The following PARD3B variants were observed in gnomAD, a reference collection of about 807,000 sequenced individuals.
The protein encoded by PARD3B is par-3 family cell polarity regulator beta, also known as partitioning defective 3 homolog B.
A neutral mutation model predicts 130.2 loss-of-function variants in PARD3B; 103 were observed. The ratio of observed to expected loss-of-function variants is 0.79; its 90% CI spans 0.67 to 0.93. PARD3B has a LOEUF of 0.93. Ranked by LOEUF, PARD3B falls within the 40% of genes least tolerant of loss-of-function variation. PARD3B has a pLI of 0.00. For missense variants in PARD3B, 1,609 were observed against 1,499.2 expected, an observed-to-expected ratio of 1.07 and a Z score of -1.21; for synonymous variants, 583 against 553.2, an observed-to-expected ratio of 1.05 and a Z score of -0.76.
At chr2:204,910,803 G>C (rs1022923315) in intron 2 of PARD3B, among the ~76,000 whole-genome samples, 2 of 152,086 alleles carry the variant, frequency 1.3e-5, no homozygotes, top group South Asian at 2.1e-4. Flanking sequence ...CACTACGCCT[G>C]GCTAATTTTT....
chr2:204,921,458 T>C (rs760097902), intron 2 of PARD3B, among the ~76,000 whole-genome samples: 1 of 152,026 alleles, frequency 6.6e-6, no homozygotes, highest in African/African-American at 2.4e-5. Flanking sequence ...AGGATTTGGA[T>C]TGATTTGGAA....
intron 2 of PARD3B, among the ~76,000 whole-genome samples, chr2:204,896,042 T>A (rs1462542975): frequency 1.3e-5 from 2 of 152,198 alleles, no homozygotes; most frequent in Non-Finnish European, 2.9e-5. Context: ...GTAAGCACTT[T>A]GGTTTTGGAA....
chr2:204,879,904 C>G (rs541729700), intron 2 of PARD3B, among the ~76,000 whole-genome samples: 1 of 152,304 alleles, frequency 6.6e-6, no homozygotes, highest in African/African-American at 2.4e-5. Flanking sequence ...CAACAGAAGT[C>G]AAGTGCCAGA....
intron 1 of PARD3B, among the ~76,000 whole-genome samples, chr2:204,630,882 A>G (rs1271825762): frequency 6.6e-6 from 1 of 151,792 alleles, no homozygotes; most frequent in African/African-American, 2.4e-5. Flanking sequence ...ATAGTGGTCT[A>G]TTTTATTAAT....
intron 18 of PARD3B, among the ~76,000 whole-genome samples, chr2:205,311,862 TG>T (rs1240377826): frequency 1.3e-5 from 2 of 152,340 alleles, no homozygotes; most frequent in African/African-American, 4.8e-5. Flanking sequence ...TTTTTTGTTT[TG>T]TTTTGCTTTT....
intron 20 of PARD3B, among the ~76,000 whole-genome samples, chr2:205,479,059 C>G (rs751413581): frequency 2.0e-5 from 3 of 152,176 alleles, no homozygotes; most frequent in African/African-American, 4.8e-5. Context: ...AAACAATGAA[C>G]TGTCTGTGGA....
At chr2:205,501,094 A>T (rs1228535643) in intron 21 of PARD3B, among the ~76,000 whole-genome samples, 2 of 152,126 alleles carry the variant, frequency 1.3e-5, no homozygotes, top group African/African-American at 2.4e-5. Context: ...TAGTTCTTAC[A>T]TCTGTGTGGG....
At chr2:204,747,853 G>C (rs997586076) in intron 2 of PARD3B, among the ~76,000 whole-genome samples, 1 of 152,050 alleles carries the variant, frequency 6.6e-6, no homozygotes, top group African/African-American at 2.4e-5. Flanking sequence ...GGGTAGGTTA[G>C]CATACAAATT....
Position 205,276,615 on chromosome 2 carries a change from G to A in PARD3B, c.2186-23915G>A, listed in dbSNP as rs1361156842. On this transcript the variant is annotated intron_variant, in intron 16 of 22. Coordinates refer to ENST00000406610, the MANE Select transcript of PARD3B (RefSeq NM_001302769.2). The surrounding 1 kb of genome is among the most constrained non-coding windows in gnomAD (Gnocchi z 5.0). ...GGCAACGTTGGGGGATATTTATTCC[G>A]GGGAAGTCAGAGAAGCTCCAAAGTG... 6.6e-6 allele frequency among the ~76,000 whole-genome samples: 1 copy of A among 152,158 alleles called. No homozygotes were observed. The highest frequency in any genetic ancestry group is 1.5e-5 in the Non-Finnish European group (1 of 68,016).
At chr2:205,403,936 C>G (rs2046334699) in intron 19 of PARD3B, among the ~76,000 whole-genome samples, 1 of 51,918 alleles carries the variant, frequency 1.9e-5, no homozygotes, top group Admixed American at 3.2e-4. Context: ...ATTAGAAACC[C>G]TAGCCAGTGC....
intron 15 of PARD3B, among the ~76,000 whole-genome samples, chr2:205,201,222 A>T (rs2036969552): frequency 6.6e-6 from 1 of 152,196 alleles, no homozygotes; most frequent in South Asian, 2.1e-4. Context: ...TTTCATGCAA[A>T]TATTGAAAGA....
intron 2 of PARD3B, among the ~76,000 whole-genome samples, chr2:204,781,727 T>C (rs1056559703): frequency 1.4e-4 from 22 of 152,144 alleles, no homozygotes; most frequent in Non-Finnish European, 1.5e-5. Context: ...AAAAGGTTTC[T>C]AACCTGTAGT....
chr2:205,401,129 C>A lies in PARD3B; in HGVS notation c.2741+6C>A. The A allele has an allele frequency of 6.3e-7, 1 of 1,576,116 alleles. No individual in the cohort carries two copies. The highest frequency in any genetic ancestry group is 8.6e-7 in the Non-Finnish European group (1 of 1,157,398). ...ATGAAAGAAGAGCGTGAAAGGTGAG[C>A]AGAAGTGCCGAGACCTTCATTTTCT... On this transcript the variant is annotated splice_donor_region_variant and intron_variant, in intron 19 of 22. Coordinates refer to ENST00000406610, the MANE Select transcript of PARD3B (RefSeq NM_001302769.2).
chr2:204,935,325 C>T (rs575781180), intron 2 of PARD3B, among the ~76,000 whole-genome samples: 3 of 146,478 alleles, frequency 2.0e-5, no homozygotes, highest in South Asian at 2.1e-4. Flanking sequence ...GTCAGGAGAT[C>T]AAGACCATCC....
chr2:204,661,560 A>G (rs901836187), intron 1 of PARD3B, among the ~76,000 whole-genome samples: 17 of 152,164 alleles, frequency 1.1e-4, no homozygotes, highest in African/African-American at 3.6e-4. Context: ...GGGTTTTCAA[A>G]CTTTTGTTCA....
intron 1 of PARD3B, among the ~76,000 whole-genome samples, chr2:204,647,959 T>C (rs1262607272): frequency 6.6e-6 from 1 of 151,566 alleles, no homozygotes; most frequent in Non-Finnish European, 1.5e-5. Context: ...ATTATGAATA[T>C]TATAAATATT....
chr2:205,140,250 T>C (rs1233312995), intron 10 of PARD3B, among the ~76,000 whole-genome samples: 1 of 152,170 alleles, frequency 6.6e-6, no homozygotes, highest in Non-Finnish European at 1.5e-5. Context: ...TCTTCTGGTA[T>C]ATGAACAATA....
At chr2:205,063,487 C>T (rs550235789) in intron 4 of PARD3B, among the ~76,000 whole-genome samples, 1 of 152,178 alleles carries the variant, frequency 6.6e-6, no homozygotes, top group South Asian at 2.1e-4. Flanking sequence ...TGATTCAGGT[C>T]ACAGGAGGCA....
chr2:204,660,079 C>G (rs2035754281), intron 1 of PARD3B, among the ~76,000 whole-genome samples: 1 of 152,156 alleles, frequency 6.6e-6, no homozygotes, highest in Admixed American at 6.6e-5. Flanking sequence ...GTGTGAAGTG[C>G]TGGTTGATAG....
Sources: allele counts gnomAD v4.1 joint callset (sites outside exome capture counted in the v4.1 genomes callset), GRCh38; gene constraint gnomAD v4.1.1; non-coding constraint Gnocchi (gnomAD v3.1); transcripts MANE v1.5; gene names NCBI Gene and HGNC (gene_info 2026-07-23, HGNC 2026-07-21).